The following RNF123 variants were observed in gnomAD, a reference collection of about 807,000 sequenced individuals.
The protein encoded by RNF123 is E3 ubiquitin-protein ligase RNF123.
RNF123 carries 86 observed loss-of-function variants against 168.5 expected under a neutral mutation model. The observed-to-expected ratio is 0.51, with a 90% confidence interval of 0.43 to 0.61. RNF123 has a LOEUF of 0.61. Among genes scored for constraint, RNF123 ranks in the 20% least tolerant of loss-of-function variants. The pLI, the probability that RNF123 is intolerant of heterozygous loss-of-function variation, is 0.00. For missense variants in RNF123, 1,419 were observed against 1,729.7 expected, an observed-to-expected ratio of 0.82 and a Z score of 3.19; for synonymous variants, 666 against 689.1, an observed-to-expected ratio of 0.97 and a Z score of 0.52.
rs780719148 is a variant in RNF123 at position 49,712,463 on chromosome 3, C to T, written c.2497-16C>T. 93 of 1,613,262 alleles carry T rather than the reference C, an allele frequency of 5.8e-5. No homozygotes were observed. The Admixed American group carries it at 7.2e-4, about 12-fold the overall frequency. Reference sequence around the variant, plus strand: ...ACTGGTGCGCAACCCAGCAGCACCCCGTGTGCCTCCTGCAGGAGAAGATGC... The same window carrying T: ...ACTGGTGCGCAACCCAGCAGCACCCTGTGTGCCTCCTGCAGGAGAAGATGC... On this transcript the variant is annotated splice_polypyrimidine_tract_variant and intron_variant, in intron 26 of 38. Coordinates refer to ENST00000327697, the MANE Select transcript of RNF123 (RefSeq NM_022064.5).
intron 12 of RNF123, 30 bp from the exon 13 acceptor site, chr3:49,700,197 C>T (rs1270094884): frequency 3.1e-6 from 5 of 1,612,706 alleles, no homozygotes; most frequent in East Asian, 4.5e-5. Context: ...TGGAAGGCCA[C>T]CACCTCACCA....
intron 26 of RNF123, among the ~76,000 whole-genome samples, chr3:49,708,643 G>A (rs1300278709): frequency 6.6e-6 from 1 of 152,214 alleles, no homozygotes; most frequent in Non-Finnish European, 1.5e-5. Flanking sequence ...CCTCATCTAG[G>A]AAGAATCATA....
intron 25 of RNF123, 38 bp downstream of exon 25, chr3:49,706,103 T>A (rs1292735194): frequency 1.3e-6 from 2 of 1,569,338 alleles, no homozygotes; most frequent in Non-Finnish European, 1.8e-6. Context: ...GCAGCTTGCT[T>A]ACTCGTACAG....
chr3:49,715,790 G>C, intron 32 of RNF123, 32 bp from the exon 33 acceptor site: 1 of 1,613,850 alleles, frequency 6.2e-7, no homozygotes, highest in Non-Finnish European at 8.5e-7. Flanking sequence ...GCCAGGTGCT[G>C]ACCACTGCAT....
intron 34 of RNF123, 48 bp downstream of exon 34, chr3:49,716,225 C>A: frequency 6.2e-7 from 1 of 1,600,224 alleles, no homozygotes; most frequent in South Asian, 1.1e-5. Context: ...GGCCTCGGTT[C>A]CTCTGCTAGG....
chr3:49,719,660 T>TCC (rs1198515043), intron 35 of RNF123: 2 of 573,096 alleles, frequency 3.5e-6, no homozygotes, highest in African/African-American at 3.8e-5. Context: ...TTAGCCGCGC[T>TCC]CCCTTCGGCT....
Position 49,713,744 on chromosome 3 carries a change from G to A in RNF123, c.2756G>A (p.Arg919Gln), listed in dbSNP as rs137904674. The change falls in exon 29 of 39, where the codon CGA becomes CAA. Residue 919 changes from arginine (R) to glutamine (Q), a missense_variant. Coordinates refer to ENST00000327697, the MANE Select transcript of RNF123 (RefSeq NM_022064.5). ...ADARIVGTDI[R>Q]DSLMQALASY... is the part of the protein sequence containing the mutation. ...GCACGGTGTGTCCCCGCAGACATCCGAGACTCACTGATGCAGGCCCTGGCC... is the reference window on the plus strand; with the variant it reads ...GCACGGTGTGTCCCCGCAGACATCCAAGACTCACTGATGCAGGCCCTGGCC... 63 of 1,601,588 alleles carry A rather than the reference G, an allele frequency of 3.9e-5. No homozygotes were observed. The highest frequency in any genetic ancestry group is 1.1e-5 in the South Asian group (1 of 89,416).
chr3:49,717,779 C>A (rs1276859457), intron 35 of RNF123: 2 of 733,068 alleles, frequency 2.7e-6, no homozygotes, highest in African/African-American at 1.8e-5. Flanking sequence ...GGGACCACAA[C>A]CCCTGTCTCT....
At chr3:49,691,668 T>C (rs1336047751) in intron 3 of RNF123, among the ~76,000 whole-genome samples, 159 bp downstream of exon 3, 1 of 152,246 alleles carries the variant, frequency 6.6e-6, no homozygotes, top group Non-Finnish European at 1.5e-5. Flanking sequence ...AGAGTCTGCC[T>C]TCCGTACTCT....
chr3:49,696,642 C>CTTTTTTT (rs35074575), intron 3 of RNF123, among the ~76,000 whole-genome samples: 1 of 117,962 alleles, frequency 8.5e-6, no homozygotes, highest in African/African-American at 3.2e-5. Context: ...TGGCCACATA[C>CTTTTTTT]TTTTTTTTTT....
rs183616173 is a variant in RNF123, at chr3:49,716,585, C to T, written c.3500+108C>T. 9.0e-5 allele frequency: 87 copies of T among 970,822 alleles called. No homozygotes were observed. The African/African-American group carries it at 1.4e-3, about 15-fold the overall frequency. 60.1% of individuals were successfully genotyped at this position (970,822 alleles called of 1,614,324 possible). On this transcript the variant is annotated intron_variant, in intron 35 of 38. Coordinates refer to ENST00000327697, the MANE Select transcript of RNF123 (RefSeq NM_022064.5). ...GTTTCCTCATCTGGAAAATGGACCT[C>T]AGCATCAGGTTTTGAGGCAGAGGGA...
intron 3 of RNF123, among the ~76,000 whole-genome samples, chr3:49,694,567 C>G (rs1236823977): frequency 2.6e-5 from 4 of 152,210 alleles, no homozygotes; most frequent in Non-Finnish European, 5.9e-5. Context: ...AGACTGTTGC[C>G]AGATTACTTC....
At chr3:49,691,686 C>T (rs750804082) in intron 3 of RNF123, among the ~76,000 whole-genome samples, 177 bp downstream of exon 3, 18 of 152,238 alleles carry the variant, frequency 1.2e-4, no homozygotes, top group Non-Finnish European at 2.5e-4. Flanking sequence ...TCTGCTTCTT[C>T]CTGTCTCCAG....
At chr3:49,705,851 CT>C in intron 24 of RNF123, 130 bp from the exon 25 acceptor site, 1 of 1,427,684 alleles carries the variant, frequency 7.0e-7, no homozygotes, top group Non-Finnish European at 9.7e-7. Context: ...GACCTGCTGA[CT>C]GTTGTGGGAA....
rs202201340 is a variant in RNF123 at position 49,719,120 on chromosome 3, G to C, written c.3501-1391G>C. On this transcript the variant is annotated intron_variant, in intron 35 of 38. Coordinates refer to ENST00000327697, the MANE Select transcript of RNF123 (RefSeq NM_022064.5). ...AGCGCCCGCAACGTGTTAGATGATA[G>C]ATCGAGCAGCCTCAGGCCGCTGGCG... The C allele has an allele frequency of 1.9e-6, 3 of 1,613,576 alleles. No individual in the cohort carries two copies. The Admixed American group carries it at 5.0e-5, about 27-fold the overall frequency.
Position 49,720,453 on chromosome 3 carries a change from A to G in RNF123, c.3501-58A>G. 5 of 1,493,792 alleles carry G rather than the reference A, an allele frequency of 3.3e-6. No homozygotes were observed. In the South Asian group the frequency reaches 4.1e-5, roughly 12 times the overall value. The allele number at this position is 1,493,792 out of a possible 1,614,324, so 92.5% of individuals were successfully genotyped here. A position where few individuals can be genotyped will look rare whatever the true frequency, so the allele number is the denominator to read the frequency against. On this transcript the variant is annotated intron_variant, in intron 35 of 38. Coordinates refer to ENST00000327697, the MANE Select transcript of RNF123 (RefSeq NM_022064.5). ...GGCACTCCTCATTGGCAATCCCAAG[A>G]GAGACTTTTAGCCAGGCCCCAAGCC... is the stretch of plus-strand genomic sequence containing the variant.
chr3:49,704,271 C>T (rs1054540863), intron 21 of RNF123, among the ~76,000 whole-genome samples: 1 of 152,106 alleles, frequency 6.6e-6, no homozygotes, highest in Non-Finnish European at 1.5e-5. Flanking sequence ...CTGGCATCTC[C>T]TTTTGTTTAT....
chr3:49,719,110 TTAGATGA>T lies in RNF123; in HGVS notation c.3501-1395_3501-1389del, dbSNP rs1460799527. The T allele has an allele frequency of 3.7e-6, 6 of 1,613,532 alleles. No homozygotes were observed. The South Asian group carries it at 6.6e-5, about 18-fold the overall frequency. On this transcript the variant is annotated intron_variant, in intron 35 of 38. Coordinates refer to ENST00000327697, the MANE Select transcript of RNF123 (RefSeq NM_022064.5). ...GTGGCGGCCAAGCGCCCGCAACGTGTTAGATGATAGATCGAGCAGCCTCAGGCCGCTG... is the reference window on the plus strand; with the variant it reads ...GTGGCGGCCAAGCGCCCGCAACGTGTTAGATCGAGCAGCCTCAGGCCGCTG...
chr3:49,701,981 A>G, intron 17 of RNF123, 71 bp downstream of exon 17: 2 of 1,552,038 alleles, frequency 1.3e-6, no homozygotes, highest in South Asian at 1.2e-5. Context: ...GGAGGTGCCC[A>G]TGTCTAGGTG....
Sources: gnomAD v4.1 joint callset for allele counts (sites outside exome capture counted in the v4.1 genomes callset) on GRCh38, gnomAD v4.1.1 for gene constraint, MANE v1.5 for transcripts, NCBI Gene and HGNC (gene_info 2026-07-23, HGNC 2026-07-21) for gene names.